Variants in OSBPL11 observed in about 807,000 individuals in gnomAD.
OSBPL11 encodes oxysterol-binding protein-related protein 11.
In OSBPL11, 33 loss-of-function variants were observed where a neutral mutation model predicts 84.4. The ratio of observed to expected loss-of-function variants is 0.39; its 90% confidence interval spans 0.30 to 0.52. The LOEUF (loss-of-function observed/expected upper bound fraction) is 0.52. Among genes scored for constraint, OSBPL11 ranks in the 20% least tolerant of loss-of-function variants. The probability of loss-of-function intolerance (pLI) is 0.72; values close to 1 mark genes in which losing one functional copy is unlikely to be tolerated. For synonymous variants in OSBPL11, 276 were observed against 310.2 expected (o/e 0.89, Z 1.16); for missense variants, 736 against 901.1 (o/e 0.82, Z 2.35).
chr3:125,537,710 T>TATGTCCCTCATGAAAA (rs1332376594), intron 11 of OSBPL11, among the ~76,000 whole-genome samples: 1 of 152,222 alleles, frequency 6.6e-6, no homozygotes, highest in Non-Finnish European at 1.5e-5. Flanking sequence ...AAGGACATTT[T>TATGTCCCTCATGAAAA]ATGTCCCTCA....
intron 1 of OSBPL11, among the ~76,000 whole-genome samples, chr3:125,584,926 C>T (rs1264989987): frequency 6.6e-6 from 1 of 152,108 alleles, no homozygotes; most frequent in African/African-American, 2.4e-5. Context: ...CAGGAACGTA[C>T]AACCATGCCC....
chr3:125,561,199 T>C (rs899755806), intron 7 of OSBPL11, among the ~76,000 whole-genome samples: 12 of 152,126 alleles, frequency 7.9e-5, no homozygotes, highest in African/African-American at 2.7e-4. Context: ...GGTTTAGCCA[T>C]GTTGGCCAGG....
intron 9 of OSBPL11, among the ~76,000 whole-genome samples, chr3:125,550,811 T>C (rs1935894022): frequency 6.6e-6 from 1 of 152,208 alleles, no homozygotes; most frequent in African/African-American, 2.4e-5. Flanking sequence ...TAGAATTAAC[T>C]TTTATCAGCA....
At chr3:125,564,009 T>C (rs867966741) in intron 6 of OSBPL11, among the ~76,000 whole-genome samples, 166 bp from the exon 7 acceptor site, 3 of 152,196 alleles carry the variant, frequency 2.0e-5, no homozygotes, top group Admixed American at 1.3e-4. Flanking sequence ...ATGAGCACCA[T>C]GATTGGGTAT....
intron 10 of OSBPL11, among the ~76,000 whole-genome samples, chr3:125,544,645 A>C (rs1454320866): frequency 6.6e-6 from 1 of 152,222 alleles, no homozygotes; most frequent in Non-Finnish European, 1.5e-5. Flanking sequence ...CTAAGATTTC[A>C]ACAAAGCACT....
chr3:125,567,500 G>A lies in OSBPL11; in HGVS notation c.762C>T (p.Leu254=). The A allele has an allele frequency of 6.2e-7, 1 of 1,614,076 alleles. No individual in the cohort carries two copies. The highest frequency in any genetic ancestry group is 8.5e-7 in the Non-Finnish European group (1 of 1,179,932). ...CCATGGAAGTAGCTTTGAGCATTAA[G>A]AGATCCTGGTCCAAGGAACTAAGAT... ...SGHLSSLDQD[L]LMLKATSMAT... The change falls in exon 6 of 13, where the codon CTC becomes CTT. Residue 254 remains leucine, a synonymous_variant. Transcript: ENST00000296220.
Position 125,594,711 on chromosome 3 carries a change from C to T in OSBPL11, c.90G>A (p.Lys30=). The T allele has an allele frequency of 3.1e-6, 5 of 1,614,170 alleles. No individual in the cohort carries two copies. The highest frequency in any genetic ancestry group is 3.4e-6 in the Non-Finnish European group (4 of 1,180,044). ...TGATTCCACCTCCACAGCTGCTGTT[C>T]TTGTTCGGGGTCACCGCTGTGGCCT... is the stretch of plus-strand genomic sequence containing the variant. ...EGQATAVTPN[K]NSSCGGGISS... The change falls in exon 1 of 13, where the codon AAG becomes AAA. Residue 30 remains lysine (K), a synonymous_variant. Coordinates refer to ENST00000296220, the MANE Select transcript of OSBPL11 (RefSeq NM_022776.5).
chr3:125,536,911 C>T (rs1324794864), intron 11 of OSBPL11, among the ~76,000 whole-genome samples: 1 of 152,020 alleles, frequency 6.6e-6, no homozygotes, highest in Non-Finnish European at 1.5e-5. Context: ...GTAATCCCAG[C>T]ACTTTGGGAG....
Position 125,580,048 on chromosome 3 carries a change from G to A in OSBPL11, c.234-8C>T, listed in dbSNP as rs777591316. On this transcript the variant is annotated splice_polypyrimidine_tract_variant and splice_region_variant and intron_variant, in intron 2 of 12. Transcript: ENST00000296220. Reference sequence around the variant, plus strand: ...TTGTTTAAAACAAAAAACCTGTAATGATTTTTTAAAATCCATAATTTGTAA... The same window carrying A: ...TTGTTTAAAACAAAAAACCTGTAATAATTTTTTAAAATCCATAATTTGTAA... 36 of 1,598,582 alleles carry A rather than the reference G, an allele frequency of 2.3e-5. No individual in the cohort carries two copies. Among genetic ancestry groups the A allele is most frequent in the Non-Finnish European group, 1.1e-5 (13 of 1,173,944 alleles).
intron 2 of OSBPL11, among the ~76,000 whole-genome samples, chr3:125,582,112 A>G (rs973164531): frequency 2.6e-5 from 4 of 152,176 alleles, no homozygotes; most frequent in African/African-American, 7.2e-5. Context: ...AGACGGGTAG[A>G]TCACCTGAAG....
At chr3:125,584,087 G>A (rs545268034) in intron 1 of OSBPL11, among the ~76,000 whole-genome samples, 18 of 152,130 alleles carry the variant, frequency 1.2e-4, no homozygotes, top group Non-Finnish European at 2.4e-4. Context: ...ATTCTTGGCC[G>A]GGCATGGCAG....
chr3:125,585,863 C>CT (rs1380502033), intron 1 of OSBPL11, among the ~76,000 whole-genome samples: 1 of 152,204 alleles, frequency 6.6e-6, no homozygotes, highest in Non-Finnish European at 1.5e-5. Context: ...CTGATTCACA[C>CT]TTTCTTTTCT....
intron 10 of OSBPL11, among the ~76,000 whole-genome samples, chr3:125,543,120 T>C (rs1935757616): frequency 6.9e-6 from 1 of 144,554 alleles, no homozygotes; most frequent in African/African-American, 2.6e-5. Flanking sequence ...CTGGGGCTAG[T>C]AAGATTTTTT....
intron 10 of OSBPL11, among the ~76,000 whole-genome samples, chr3:125,540,540 C>G (rs1935714392): frequency 6.6e-6 from 1 of 152,020 alleles, no homozygotes; most frequent in Non-Finnish European, 1.5e-5. Flanking sequence ...CTCTCTGATC[C>G]CACTTGCCAA....
chr3:125,563,628 A>G, intron 7 of OSBPL11, 70 bp downstream of exon 7: 1 of 1,515,466 alleles, frequency 6.6e-7, no homozygotes, highest in South Asian at 1.1e-5. Context: ...CTGACAATGA[A>G]AAGAAAACTG....
intron 6 of OSBPL11, among the ~76,000 whole-genome samples, chr3:125,566,014 ATTATTT>A (rs1936148821): frequency 6.6e-6 from 1 of 151,826 alleles, no homozygotes; most frequent in Non-Finnish European, 1.5e-5. Context: ...CGTTATTATT[ATTATTT>A]TTGAGATGGA....
intron 8 of OSBPL11, among the ~76,000 whole-genome samples, chr3:125,554,485 C>T (rs141775125): frequency 3.7e-4 from 57 of 152,230 alleles, no homozygotes; most frequent in African/African-American, 1.3e-3. Flanking sequence ...AAAACATAGG[C>T]GCCACCTACG....
At chr3:125,566,990 T>C (rs1033115720) in intron 6 of OSBPL11, among the ~76,000 whole-genome samples, 1 of 152,152 alleles carries the variant, frequency 6.6e-6, no homozygotes, top group African/African-American at 2.4e-5. Context: ...TAGACTTTTA[T>C]ATACTTGAAA....
chr3:125,546,687 T>C (rs1935822885), intron 10 of OSBPL11, among the ~76,000 whole-genome samples: 1 of 152,030 alleles, frequency 6.6e-6, no homozygotes, highest in Non-Finnish European at 1.5e-5. Context: ...GGCCAGGAGT[T>C]TGAGACCAGC....
Sources: gnomAD v4.1 joint callset for allele counts (sites outside exome capture counted in the v4.1 genomes callset) on GRCh38, gnomAD v4.1.1 for gene constraint, MANE v1.5 for transcripts, NCBI Gene and HGNC (gene_info 2026-07-23, HGNC 2026-07-21) for gene names.